Variants in CNTNAP2 observed in about 807,000 individuals in gnomAD.
The protein encoded by CNTNAP2 is contactin-associated protein-like 2.
Under a neutral mutation model 155.2 loss-of-function variants are expected in CNTNAP2, and 98 were observed. The ratio of observed to expected loss-of-function variants is 0.63; its 90% CI spans 0.54 to 0.75. The LOEUF is 0.75. Among genes scored for constraint, CNTNAP2 ranks in the 30% least tolerant of loss-of-function variants. The pLI, the probability that CNTNAP2 is intolerant of heterozygous loss-of-function variation, is 0.00. For missense variants in CNTNAP2, 1,727 were observed against 1,688.1 expected (o/e 1.02, Z -0.40); for synonymous variants, 651 against 631.2 (o/e 1.03, Z -0.47).
intron 2 of CNTNAP2, among the ~76,000 whole-genome samples, chr7:146,786,538 A>G (rs1400085693): frequency 6.6e-6 from 1 of 152,234 alleles, no homozygotes; most frequent in Non-Finnish European, 1.5e-5. Context: ...CTATACACCA[A>G]GAATGAGCAA....
intron 18 of CNTNAP2, among the ~76,000 whole-genome samples, chr7:148,198,819 C>T (rs112434293): frequency 2.0e-3 from 307 of 152,330 alleles, no homozygotes; most frequent in Non-Finnish European, 3.1e-3. Flanking sequence ...ATGGAATCCA[C>T]GCATTGCCGT....
intron 22 of CNTNAP2, among the ~76,000 whole-genome samples, chr7:148,384,542 T>C (rs1266198840): frequency 3.3e-5 from 5 of 152,184 alleles, no homozygotes; most frequent in African/African-American, 9.7e-5. Context: ...TAGGTCGTAC[T>C]CCTAGCTCCA....
At chr7:148,334,750 T>C (rs540637413) in intron 21 of CNTNAP2, among the ~76,000 whole-genome samples, 55 of 152,274 alleles carry the variant, frequency 3.6e-4, no homozygotes, top group African/African-American at 1.3e-3. Flanking sequence ...GATTAGCAAG[T>C]GCTTTGTACC....
chr7:147,225,961 AAGGAAGAAAGAG>A (rs1350536114), intron 8 of CNTNAP2, among the ~76,000 whole-genome samples: 1 of 151,536 alleles, frequency 6.6e-6, no homozygotes, highest in Non-Finnish European at 1.5e-5. Context: ...GAAAGAGAGA[AAGGAAGAAAGAG>A]AGAAAGAAAG....
In CNTNAP2 at chr7:146,356,708, T is replaced by G. The variant is rs972897536; in HGVS notation, c.97+239735T>G. 4.6e-5 allele frequency among the ~76,000 whole-genome samples: 7 copies of G among 152,232 alleles called. 1 individual carries two copies. ...ATCCTAACTGAGCAGTTAGAGATTT[T>G]CTAGAGTTTGGATGGAGAAGTGGAT... is the stretch of plus-strand genomic sequence containing the variant. On this transcript the variant is annotated intron_variant, in intron 1 of 23. Coordinates refer to ENST00000361727, the MANE Select transcript of CNTNAP2 (RefSeq NM_014141.6).
intron 1 of CNTNAP2, among the ~76,000 whole-genome samples, chr7:146,368,460 G>T (rs567657948): frequency 6.6e-6 from 1 of 152,116 alleles, no homozygotes; most frequent in East Asian, 1.9e-4. Context: ...GTACCACAAG[G>T]TCTAGTGTTT....
chr7:146,517,838 T>G (rs1001937646), intron 1 of CNTNAP2, among the ~76,000 whole-genome samples: 5 of 151,846 alleles, frequency 3.3e-5, no homozygotes, highest in Admixed American at 3.3e-4. Flanking sequence ...TTTGGAGACA[T>G]ACAAAATGAT....
chr7:146,368,606 A>G (rs1406117388), intron 1 of CNTNAP2, among the ~76,000 whole-genome samples: 2 of 152,130 alleles, frequency 1.3e-5, no homozygotes, highest in Admixed American at 6.6e-5. Context: ...AATTTATGAT[A>G]CAGACCTTGA....
chr7:146,408,143 T>C (rs1374756436), intron 1 of CNTNAP2, among the ~76,000 whole-genome samples: 2 of 152,146 alleles, frequency 1.3e-5, no homozygotes, highest in African/African-American at 2.4e-5. Context: ...CAACCGTATC[T>C]GGAAAAAAGT....
chr7:147,558,705 C>G (rs765814715), intron 11 of CNTNAP2, among the ~76,000 whole-genome samples: 5 of 17,644 alleles, frequency 2.8e-4, no homozygotes, highest in African/African-American at 1.3e-3. Context: ...TCTTTCCTTC[C>G]TTCCTTCCTT....
intron 20 of CNTNAP2, among the ~76,000 whole-genome samples, chr7:148,249,515 T>C (rs528932077): frequency 1.3e-5 from 2 of 152,272 alleles, no homozygotes; most frequent in East Asian, 3.9e-4. Flanking sequence ...CAAATTATTA[T>C]CTCAACCCAA....
chr7:147,803,815 C>T (rs1032964159), intron 13 of CNTNAP2, among the ~76,000 whole-genome samples: 7 of 152,202 alleles, frequency 4.6e-5, no homozygotes, highest in African/African-American at 1.7e-4. Context: ...CCTTATCTCA[C>T]AAGAACCCTG....
intron 10 of CNTNAP2, among the ~76,000 whole-genome samples, chr7:147,403,864 A>G (rs1461965933): frequency 6.6e-6 from 1 of 152,136 alleles, no homozygotes; most frequent in East Asian, 1.9e-4. Context: ...GATGGTTTTT[A>G]TGACAGATTT....
chr7:147,550,874 T>C (rs868466722), intron 11 of CNTNAP2, among the ~76,000 whole-genome samples: 13 of 152,338 alleles, frequency 8.5e-5, no homozygotes, highest in African/African-American at 2.6e-4. Context: ...ATATAGTATA[T>C]ACGTTTGTGT....
At chr7:146,224,539 A>T (rs1180258255) in intron 1 of CNTNAP2, among the ~76,000 whole-genome samples, 2 of 151,430 alleles carry the variant, frequency 1.3e-5, no homozygotes, top group South Asian at 2.1e-4. Flanking sequence ...TGAGGTCAGG[A>T]GATTGAGACT....
chr7:147,388,922 C>A lies in CNTNAP2; in HGVS notation c.1499-6687C>A, dbSNP rs528539378. 3.3e-3 allele frequency among the ~76,000 whole-genome samples: 502 copies of A among 152,258 alleles called. 2 individuals are homozygous for A. Among genetic ancestry groups the A allele is most frequent in the Non-Finnish European group, 4.8e-3 (326 of 68,030 alleles). On this transcript the variant is annotated intron_variant, in intron 9 of 23. Coordinates refer to ENST00000361727, the MANE Select transcript of CNTNAP2 (RefSeq NM_014141.6). ...TTTCTTTGACGTTGGGAATTTGACT[C>A]TCACTATCCTCCATGTATTTACTTA...
chr7:146,805,518 A>G (rs1802952013), intron 2 of CNTNAP2, among the ~76,000 whole-genome samples: 1 of 152,142 alleles, frequency 6.6e-6, no homozygotes, highest in Admixed American at 6.6e-5. Flanking sequence ...AATTCTCAAG[A>G]AGAAGTAATT....
rs138662162 is a variant in CNTNAP2, at chr7:146,680,610, C to T, written c.98-93661C>T. Among the ~76,000 whole-genome samples, 249 of 152,236 alleles carry T rather than the reference C, an allele frequency of 1.6e-3. 2 individuals carry two copies. Among genetic ancestry groups the T allele is most frequent in the African/African-American group, 5.5e-3 (230 of 41,546 alleles). On this transcript the variant is annotated intron_variant, in intron 1 of 23. Transcript: ENST00000361727. The stretch of plus-strand genomic sequence containing the variant: ...AGTTCATTTATGAAAAAATACAAAC[C>T]ATTCAAACCCTCTGTCATATCATAG...
At chr7:146,779,786 G>T (rs1802451084) in intron 2 of CNTNAP2, among the ~76,000 whole-genome samples, 1 of 152,152 alleles carries the variant, frequency 6.6e-6, no homozygotes, top group Admixed American at 6.5e-5. Flanking sequence ...GAAGGTTGTG[G>T]TGGTGATGTT....
Sources: allele counts gnomAD v4.1 joint callset (sites outside exome capture counted in the v4.1 genomes callset), GRCh38; gene constraint gnomAD v4.1.1; transcripts MANE v1.5; gene names NCBI Gene and HGNC (gene_info 2026-07-23, HGNC 2026-07-21).